Variants in CDH1 observed in about 807,000 individuals in gnomAD.
CDH1 encodes cadherin 1.
CDH1 carries 35 observed loss-of-function variants against 84.5 expected under a neutral mutation model. The ratio of observed to expected loss-of-function variants is 0.41; its 90% CI spans 0.32 to 0.55. CDH1 has a LOEUF of 0.55. CDH1 is among the 20% of genes least tolerant of loss of function. The pLI is 0.19. For missense variants in CDH1, 994 were observed against 1,126.6 expected, an observed-to-expected ratio of 0.88 and a Z score of 1.68; for synonymous variants, 417 against 439.0, an observed-to-expected ratio of 0.95 and a Z score of 0.63.
chr16:68,806,685 A>G (rs4783573), intron 3 of CDH1, among the ~76,000 whole-genome samples: 65,954 of 151,954 alleles, frequency 0.43, 15,811 homozygotes, highest in East Asian at 0.73. Context: ...TCCCCATTTC[A>G]GACATTAGGA....
chr16:68,789,928 T>C (rs1247822597), intron 2 of CDH1, among the ~76,000 whole-genome samples: 1 of 152,134 alleles, frequency 6.6e-6, no homozygotes, highest in Non-Finnish European at 1.5e-5. Flanking sequence ...TGGTGGCGCA[T>C]GCCTGTAATC....
At chr16:68,786,956 T>A (rs1960068539) in intron 2 of CDH1, among the ~76,000 whole-genome samples, 1 of 152,214 alleles carries the variant, frequency 6.6e-6, no homozygotes, top group African/African-American at 2.4e-5. Flanking sequence ...TTGAAAGTAG[T>A]GCAAGCCTCA....
chr16:68,752,198 C>T (rs1012864215), intron 2 of CDH1, among the ~76,000 whole-genome samples: 1 of 151,730 alleles, frequency 6.6e-6, no homozygotes, highest in Non-Finnish European at 1.5e-5. Flanking sequence ...GTGATCCACC[C>T]GCCTTGGCCT....
chr16:68,783,833 C>T (rs766466799), intron 2 of CDH1, among the ~76,000 whole-genome samples: 8 of 152,046 alleles, frequency 5.3e-5, no homozygotes, highest in East Asian at 1.9e-4. Flanking sequence ...CCTACCACCA[C>T]GCCTGGCTAA....
Position 68,833,861 on chromosome 16 carries a change from G to C in CDH1, c.*362G>C. 2.6e-6 allele frequency: 1 copy of C among 383,804 alleles called. No individual in the cohort carries two copies. The highest frequency in any genetic ancestry group is 2.0e-5 in the African/African-American group (1 of 49,148). The allele number at this position is 383,804 out of a possible 1,614,324, so 23.8% of individuals were successfully genotyped here. A position where few individuals can be genotyped will look rare whatever the true frequency, so the allele number is the denominator to read the frequency against. On this transcript the variant is annotated 3_prime_UTR_variant, in exon 16 of 16. Transcript: ENST00000261769. ...TTTTGTCTCACTTTTAAAAAGAAGGGGAGAAGTCAGCTACTCTAGTTCTGT... is the reference window on the plus strand; with the variant it reads ...TTTTGTCTCACTTTTAAAAAGAAGGCGAGAAGTCAGCTACTCTAGTTCTGT...
chr16:68,742,584 C>T (rs1962598489), intron 2 of CDH1: 1 of 152,586 alleles, frequency 6.6e-6, no homozygotes, highest in Admixed American at 6.5e-5. Flanking sequence ...AGGGTTTCAC[C>T]ATGTTGGTTA....
At chr16:68,744,179 A>G (rs1317087530) in intron 2 of CDH1, among the ~76,000 whole-genome samples, 2 of 152,226 alleles carry the variant, frequency 1.3e-5, no homozygotes, top group African/African-American at 4.8e-5. Context: ...GACTTGGTCC[A>G]GCCCTTAAGG....
intron 10 of CDH1, 92 bp from the exon 11 acceptor site, chr16:68,819,188 G>A (rs1961068488): frequency 7.0e-7 from 1 of 1,431,310 alleles, no homozygotes; most frequent in East Asian, 2.3e-5. Flanking sequence ...AACGTTGGAA[G>A]TAACCATATA....
At chr16:68,804,526 T>C (rs932565987) in intron 3 of CDH1, among the ~76,000 whole-genome samples, 2 of 152,114 alleles carry the variant, frequency 1.3e-5, no homozygotes, top group Non-Finnish European at 2.9e-5. Context: ...GTAGGGAATG[T>C]AGTCTTTCAT....
intron 10 of CDH1, among the ~76,000 whole-genome samples, chr16:68,817,887 A>G (rs1415562807): frequency 6.6e-6 from 1 of 152,164 alleles, no homozygotes; most frequent in African/African-American, 2.4e-5. Flanking sequence ...AAATCTGACA[A>G]TTCGAATATG....
At chr16:68,783,051 A>G (rs1412025643) in intron 2 of CDH1, among the ~76,000 whole-genome samples, 2 of 152,190 alleles carry the variant, frequency 1.3e-5, no homozygotes, top group Non-Finnish European at 2.9e-5. Context: ...GCCTATTGAG[A>G]TTACGGTCAA....
chr16:68,805,175 C>A (rs1960625185), intron 3 of CDH1, among the ~76,000 whole-genome samples: 1 of 151,520 alleles, frequency 6.6e-6, no homozygotes, highest in Admixed American at 6.6e-5. Context: ...TCTTCTTCTT[C>A]CATTTCCCTT....
intron 2 of CDH1, chr16:68,765,155 C>CT (rs1325675026): frequency 1.3e-5 from 2 of 152,116 alleles, no homozygotes; most frequent in Admixed American, 6.6e-5. Flanking sequence ...ATTTTGGGGA[C>CT]TTTCCTTGCT....
chr16:68,814,469 G>A (rs8057085), intron 9 of CDH1: 20,798 of 152,564 alleles, frequency 0.14, 2,991 homozygotes, highest in African/African-American at 0.36. Flanking sequence ...AATCGCTTGA[G>A]CCTGGAAGAC....
chr16:68,752,790 C>G lies in CDH1; in HGVS notation c.163+14379C>G, dbSNP rs917931593. Among the ~76,000 whole-genome samples, 7 of 152,076 alleles carry G rather than the reference C, an allele frequency of 4.6e-5. No homozygotes were observed. The South Asian group carries it at 1.5e-3, about 32-fold the overall frequency. Reference sequence around the variant, plus strand: ...AAGGTCAGATGAGCCATTTCTACCCCACACTTCTGAGTGTAAGGAAGCACC... The same window carrying G: ...AAGGTCAGATGAGCCATTTCTACCCGACACTTCTGAGTGTAAGGAAGCACC... On this transcript the variant is annotated intron_variant, in intron 2 of 15. Transcript: ENST00000261769.
rs536850595 is a variant in CDH1, at chr16:68,753,867, A to G, written c.163+15456A>G. ...GGGCACGGTGGCCGACTGTAATCCC[A>G]GTACTTTGGGAGGCTGAGGCAGGCG... On this transcript the variant is annotated intron_variant, in intron 2 of 15. Transcript: ENST00000261769. 4.0e-5 allele frequency among the ~76,000 whole-genome samples: 6 copies of G among 151,088 alleles called. No homozygotes were observed. In the East Asian group the frequency reaches 9.9e-4, roughly 25 times the overall value.
intron 8 of CDH1, 101 bp downstream of exon 8, chr16:68,812,364 T>C: frequency 4.0e-6 from 5 of 1,251,674 alleles, no homozygotes; most frequent in South Asian, 2.4e-5. Context: ...GAAAACTCTC[T>C]CCAGACTAGA....
intron 2 of CDH1, among the ~76,000 whole-genome samples, chr16:68,795,495 G>A (rs1226717228): frequency 6.7e-6 from 1 of 150,300 alleles, no homozygotes; most frequent in Non-Finnish European, 1.5e-5. Context: ...TTTTTTGTTT[G>A]TTTGTTTGTT....
chr16:68,831,530 A>T (rs978190969), intron 15 of CDH1, among the ~76,000 whole-genome samples: 2 of 150,020 alleles, frequency 1.3e-5, no homozygotes, highest in Admixed American at 6.6e-5. Flanking sequence ...TTATTTATTT[A>T]TTTATTTTTA....
Sources: allele counts gnomAD v4.1 joint callset (sites outside exome capture counted in the v4.1 genomes callset), GRCh38; gene constraint gnomAD v4.1.1; transcripts MANE v1.5; gene names NCBI Gene and HGNC (gene_info 2026-07-23, HGNC 2026-07-21).